RIMS1: variants seen among roughly 807,000 people sequenced by gnomAD.
The protein encoded by RIMS1 is regulating synaptic membrane exocytosis 1.
In RIMS1, 83 loss-of-function variants were observed where a neutral mutation model predicts 214.1. The observed-to-expected ratio is 0.39, with a 90% CI of 0.32 to 0.47. The LOEUF (loss-of-function observed/expected upper bound fraction) is 0.47. Among genes scored for constraint, RIMS1 ranks in the 20% least tolerant of loss-of-function variants. The pLI is 0.99. For missense variants in RIMS1, 2,050 were observed against 2,161.8 expected (o/e 0.95, Z 1.03); for synonymous variants, 793 against 786.8 (o/e 1.01, Z -0.13).
chr6:72,082,753 G>A (rs757137124), intron 2 of RIMS1, among the ~76,000 whole-genome samples: 5 of 152,118 alleles, frequency 3.3e-5, no homozygotes, highest in Admixed American at 6.6e-5. Context: ...AGACAAGACA[G>A]GAATGTCACA....
chr6:72,262,916 T>A lies in RIMS1; in HGVS notation c.3117-2059T>A, dbSNP rs903545754. ...ATTTAATAACAAGCACAGTGTTAAA[T>A]ATTTAATGTACTTTGTCAATTTCCT... On this transcript the variant is annotated intron_variant, in intron 19 of 33. Transcript: ENST00000521978. 5 of 481,494 alleles carry A rather than the reference T, an allele frequency of 1.0e-5. No individual in the cohort carries two copies. In the East Asian group the frequency reaches 6.3e-4, roughly 60 times the overall value. The allele number at this position is 481,494 out of a possible 1,614,324, so 29.8% of individuals were successfully genotyped here. A position where few individuals can be genotyped will look rare whatever the true frequency, so the allele number is the denominator to read the frequency against.
intron 31 of RIMS1, 34 bp from the exon 32 acceptor site, chr6:72,398,215 A>G (rs781258655): frequency 9.5e-6 from 13 of 1,368,144 alleles, no homozygotes; most frequent in Non-Finnish European, 1.3e-5. Flanking sequence ...ACTGCAAAGA[A>G]GCTGAAACAC....
At chr6:72,030,237 T>C (rs563109061) in intron 2 of RIMS1, among the ~76,000 whole-genome samples, 1 of 152,316 alleles carries the variant, frequency 6.6e-6, no homozygotes, top group South Asian at 2.1e-4. Context: ...TCTAACAAGC[T>C]TCAGGTAATG....
chr6:72,083,896 A>G (rs1834017139), intron 2 of RIMS1, among the ~76,000 whole-genome samples: 1 of 152,180 alleles, frequency 6.6e-6, no homozygotes, highest in Non-Finnish European at 1.5e-5. Context: ...CCAGACTCAC[A>G]CTTATGCCTG....
intron 29 of RIMS1, among the ~76,000 whole-genome samples, chr6:72,371,035 T>C (rs903581845): frequency 3.9e-5 from 6 of 152,206 alleles, no homozygotes; most frequent in African/African-American, 1.4e-4. Context: ...TATGAAAAAC[T>C]TGAAATTTTA....
intron 2 of RIMS1, among the ~76,000 whole-genome samples, chr6:71,986,430 G>C (rs1323073376): frequency 4.6e-5 from 7 of 151,936 alleles, no homozygotes. Flanking sequence ...CAGATAGAAG[G>C]CTAAGGCAAT....
At chr6:72,080,074 TAAA>T (rs770845471) in intron 2 of RIMS1, among the ~76,000 whole-genome samples, 47 of 22,392 alleles carry the variant, frequency 2.1e-3, no homozygotes, top group Admixed American at 6.6e-3. Flanking sequence ...GTGTCTCTAC[TAAA>T]AAAAAAAAAA....
At chr6:72,094,480 G>T (rs930019111) in intron 2 of RIMS1, among the ~76,000 whole-genome samples, 1 of 152,128 alleles carries the variant, frequency 6.6e-6, no homozygotes, top group Non-Finnish European at 1.5e-5. Context: ...AAAACACACA[G>T]AGGCTTTGGT....
At chr6:72,270,624 G>A (rs1344991799) in intron 22 of RIMS1, among the ~76,000 whole-genome samples, 3 of 152,206 alleles carry the variant, frequency 2.0e-5, no homozygotes, top group African/African-American at 7.2e-5. Context: ...GAGTCTGCAA[G>A]ATGGCTAATA....
At chr6:72,075,213 C>T (rs62409480) in intron 2 of RIMS1, among the ~76,000 whole-genome samples, 1 of 151,866 alleles carries the variant, frequency 6.6e-6, no homozygotes, top group Admixed American at 6.6e-5. Context: ...TCCCAAGTAG[C>T]TAGGACCGCA....
At chr6:71,990,772 C>T (rs535804106) in intron 2 of RIMS1, among the ~76,000 whole-genome samples, 8 of 151,726 alleles carry the variant, frequency 5.3e-5, no homozygotes, top group East Asian at 2.0e-4. Context: ...ACACTCTGAG[C>T]GACAGTTAGT....
intron 2 of RIMS1, among the ~76,000 whole-genome samples, chr6:72,043,925 A>T (rs1308227590): frequency 6.6e-6 from 1 of 151,638 alleles, no homozygotes; most frequent in African/African-American, 2.4e-5. Flanking sequence ...CCCTGTGTGT[A>T]TATTTTGGTA....
In RIMS1 at chr6:71,890,570, T is replaced by TA. The variant is rs3076604; in HGVS notation, c.164+3410dup. On this transcript the variant is annotated intron_variant, in intron 1 of 33. Transcript: ENST00000521978. ...AGATCTAGGATCTTACTCCTTTTTG[T>TA]AAAAAAAAAAAAAAAAAAAAAAAAA... Among the ~76,000 whole-genome samples the TA allele has an allele frequency of 2.3e-3, 187 of 81,500 alleles. 5 individuals are homozygous for TA. The highest frequency in any genetic ancestry group is 4.5e-3 in the South Asian group (12 of 2,662). 53.5% of individuals were successfully genotyped at this position (81,500 alleles called of 152,430 possible). A position where few individuals can be genotyped will look rare whatever the true frequency, so the allele number is the denominator to read the frequency against.
chr6:72,050,510 A>T (rs1824326367), intron 2 of RIMS1, among the ~76,000 whole-genome samples: 1 of 152,096 alleles, frequency 6.6e-6, no homozygotes, highest in Non-Finnish European at 1.5e-5. Context: ...CCGTCTCCTC[A>T]GTATATGTCA....
chr6:72,205,402 C>G (rs1267866400), intron 6 of RIMS1, among the ~76,000 whole-genome samples: 2 of 152,086 alleles, frequency 1.3e-5, no homozygotes, highest in Non-Finnish European at 2.9e-5. Context: ...AATAAGAGCT[C>G]TAAATTAGGT....
chr6:72,012,652 A>G (rs1026521771), intron 2 of RIMS1, among the ~76,000 whole-genome samples: 2 of 152,188 alleles, frequency 1.3e-5, no homozygotes, highest in African/African-American at 2.4e-5. Flanking sequence ...AGAATGCTCA[A>G]GGGAATGATG....
At chr6:72,092,527 C>CTCATTA (rs1282348904) in intron 2 of RIMS1, among the ~76,000 whole-genome samples, 1 of 152,068 alleles carries the variant, frequency 6.6e-6, no homozygotes, top group African/African-American at 2.4e-5. Flanking sequence ...ATTATACTCC[C>CTCATTA]TACTGGGACG....
Position 72,163,798 on chromosome 6 carries a change from CTGG to C in RIMS1, c.472-15776_472-15774del, listed in dbSNP as rs1251126332. ...TGAGGTGTCAATCTGCCCCTACTGG[CTGG>C]GGGGGGGGGGCCTCCCAGTTAGGCT... is the stretch of plus-strand genomic sequence containing the variant. On this transcript the variant is annotated intron_variant, in intron 4 of 33. Coordinates refer to ENST00000521978, the MANE Select transcript of RIMS1 (RefSeq NM_014989.7). 3.4e-4 allele frequency among the ~76,000 whole-genome samples: 46 copies of C among 135,708 alleles called. 7 individuals carry two copies. Among genetic ancestry groups the C allele is most frequent in the Admixed American group, 6.8e-4 (9 of 13,166 alleles). 89.0% of individuals were successfully genotyped at this position (135,708 alleles called of 152,430 possible).
intron 29 of RIMS1, among the ~76,000 whole-genome samples, chr6:72,362,656 A>G (rs1595268972): frequency 6.6e-6 from 1 of 152,200 alleles, no homozygotes; most frequent in South Asian, 2.1e-4. Context: ...AAAATGCTTC[A>G]TTCAGCACTT....
Sources: gnomAD v4.1 joint callset for allele counts (sites outside exome capture counted in the v4.1 genomes callset) on GRCh38, gnomAD v4.1.1 for gene constraint, MANE v1.5 for transcripts, NCBI Gene and HGNC (gene_info 2026-07-23, HGNC 2026-07-21) for gene names.